UBE2E3: variants seen among roughly 807,000 people sequenced by gnomAD.
UBE2E3 encodes the protein ubiquitin-conjugating enzyme E2 E3.
UBE2E3 carries 5 observed loss-of-function variants against 23.6 expected under a neutral mutation model. The ratio of observed to expected loss-of-function variants is 0.21; its 90% CI spans 0.11 to 0.44. UBE2E3 has a LOEUF of 0.44. Among genes scored for constraint, UBE2E3 ranks in the 20% least tolerant of loss-of-function variants. UBE2E3 has a pLI of 0.99. For missense variants in UBE2E3, 81 were observed against 249.8 expected, an observed-to-expected ratio of 0.32 and a Z score of 4.55; for synonymous variants, 78 against 87.5, an observed-to-expected ratio of 0.89 and a Z score of 0.60.
intron 3 of UBE2E3, among the ~76,000 whole-genome samples, chr2:181,044,226 C>T (rs908618643): frequency 3.3e-5 from 5 of 151,772 alleles, no homozygotes; most frequent in Non-Finnish European, 7.4e-5. Context: ...TTTGAGATGA[C>T]GGTTGGTCAG....
intron 3 of UBE2E3, among the ~76,000 whole-genome samples, chr2:181,001,991 T>C (rs1013317411): frequency 6.6e-6 from 1 of 152,220 alleles, no homozygotes; most frequent in African/African-American, 2.4e-5. Flanking sequence ...AGTTGTAGTT[T>C]TCCAGCTGTT....
intron 3 of UBE2E3, chr2:180,987,408 A>C (rs1489245843): frequency 6.5e-7 from 1 of 1,549,604 alleles, no homozygotes; most frequent in Admixed American, 2.0e-5. Context: ...CTGGATTTCT[A>C]ACTTAACCCC....
At chr2:180,992,114 G>A (rs1188487364) in intron 3 of UBE2E3, among the ~76,000 whole-genome samples, 1 of 152,080 alleles carries the variant, frequency 6.6e-6, no homozygotes, top group Non-Finnish European at 1.5e-5. Flanking sequence ...TTTCTCAGTT[G>A]TTGTTTTTGG....
chr2:181,011,021 A>G (rs2105607704), intron 3 of UBE2E3, among the ~76,000 whole-genome samples: 1 of 152,020 alleles, frequency 6.6e-6, no homozygotes, highest in Admixed American at 6.6e-5. Context: ...AGACTTATCT[A>G]ATATAAGCCC....
intron 3 of UBE2E3, among the ~76,000 whole-genome samples, chr2:181,027,684 G>A (rs961735437): frequency 2.6e-5 from 4 of 151,842 alleles, no homozygotes; most frequent in Admixed American, 2.6e-4. Flanking sequence ...ATCTTTGAGA[G>A]TAACAGAAAA....
chr2:181,058,636 T>G (rs546009612), intron 4 of UBE2E3, among the ~76,000 whole-genome samples: 7 of 151,764 alleles, frequency 4.6e-5, no homozygotes, highest in Non-Finnish European at 8.8e-5. Context: ...GGTGAAATGT[T>G]TTTCTTTTCC....
intron 3 of UBE2E3, among the ~76,000 whole-genome samples, chr2:181,036,216 G>A (rs1686275666): frequency 1.3e-5 from 2 of 152,128 alleles, no homozygotes; most frequent in Admixed American, 1.3e-4. Flanking sequence ...CATGGGTTGG[G>A]CATATAGATC....
At chr2:181,018,604 T>TG (rs1685573187) in intron 3 of UBE2E3, among the ~76,000 whole-genome samples, 2 of 92,914 alleles carry the variant, frequency 2.2e-5, no homozygotes, top group Admixed American at 2.1e-4. Context: ...CTGTGTTTTT[T>TG]TTTTTTTTTT....
chr2:181,044,660 CTAGAT>C (rs1231843054), intron 3 of UBE2E3, among the ~76,000 whole-genome samples: 2 of 152,070 alleles, frequency 1.3e-5, no homozygotes, highest in African/African-American at 4.8e-5. Context: ...TTTTATGTCA[CTAGAT>C]TAGTGTATTG....
At chr2:181,051,120 G>A (rs982211535) in intron 3 of UBE2E3, among the ~76,000 whole-genome samples, 5 of 151,490 alleles carry the variant, frequency 3.3e-5, no homozygotes, top group Non-Finnish European at 5.9e-5. Flanking sequence ...ATACTTTCAC[G>A]GTGTATGTAT....
chr2:181,025,458 C>T (rs2105635426), intron 3 of UBE2E3, among the ~76,000 whole-genome samples: 1 of 149,980 alleles, frequency 6.7e-6, no homozygotes, highest in South Asian at 2.1e-4. Context: ...GGTAAGAGAA[C>T]TTTGATACTT....
At chr2:180,985,065 T>A (rs1408559638) in intron 3 of UBE2E3, among the ~76,000 whole-genome samples, 1 of 152,268 alleles carries the variant, frequency 6.6e-6, no homozygotes, top group South Asian at 2.1e-4. Flanking sequence ...GTCTCTGAAG[T>A]CTGCTTGTGA....
intron 3 of UBE2E3, among the ~76,000 whole-genome samples, chr2:181,019,835 T>A (rs1021593549): frequency 1.3e-5 from 2 of 151,902 alleles, no homozygotes; most frequent in African/African-American, 4.9e-5. Context: ...TTTAATTTTT[T>A]TCTTTTTTTT....
intron 2 of UBE2E3, 85 bp from the exon 3 acceptor site, chr2:180,983,958 G>A: frequency 9.3e-7 from 1 of 1,070,650 alleles, no homozygotes; most frequent in Non-Finnish European, 1.4e-6. Context: ...GCATTTAACT[G>A]CATGGTGGTA....
chr2:180,999,701 A>G (rs945464940), intron 3 of UBE2E3, among the ~76,000 whole-genome samples: 5 of 152,102 alleles, frequency 3.3e-5, no homozygotes, highest in African/African-American at 1.2e-4. Context: ...GGACATCCAC[A>G]TGACTCAGAT....
At chr2:181,021,597 TC>T (rs1310091410) in intron 3 of UBE2E3, among the ~76,000 whole-genome samples, 1 of 112,844 alleles carries the variant, frequency 8.9e-6, no homozygotes, top group Non-Finnish European at 1.8e-5. Flanking sequence ...CCTTCCTCCC[TC>T]CCTTCCTTCC....
chr2:181,006,446 A>G (rs745802160), intron 3 of UBE2E3, among the ~76,000 whole-genome samples: 3 of 151,528 alleles, frequency 2.0e-5, no homozygotes, highest in Non-Finnish European at 4.4e-5. Context: ...TTCTGGATCT[A>G]GGATGGCCAG....
intron 3 of UBE2E3, among the ~76,000 whole-genome samples, chr2:181,013,055 G>A (rs968114751): frequency 1.4e-4 from 21 of 151,982 alleles, no homozygotes; most frequent in African/African-American, 5.1e-4. Context: ...TTGAATTCCT[G>A]GACTCAAGTA....
At chr2:180,993,863 G>A (rs1684749344) in intron 3 of UBE2E3, among the ~76,000 whole-genome samples, 1 of 152,008 alleles carries the variant, frequency 6.6e-6, no homozygotes, top group Non-Finnish European at 1.5e-5. Context: ...AAATATAGAG[G>A]GTACCATAAG....
Sources: allele counts gnomAD v4.1 joint callset (sites outside exome capture counted in the v4.1 genomes callset), GRCh38; gene constraint gnomAD v4.1.1; transcripts MANE v1.5; gene names NCBI Gene and HGNC (gene_info 2026-07-23, HGNC 2026-07-21).